Variants in NRG1 observed in about 807,000 individuals in gnomAD.
The protein encoded by NRG1 is pro-neuregulin-1, membrane-bound isoform.
Under a neutral mutation model 63.8 loss-of-function variants are expected in NRG1, and 18 were observed. The observed-to-expected ratio is 0.28, with a 90% CI of 0.19 to 0.42. NRG1 has a LOEUF of 0.42. Among genes scored for constraint, NRG1 ranks in the 10% least tolerant of loss-of-function variants. The pLI, the probability that NRG1 is intolerant of heterozygous loss-of-function variation, is 1.00. For missense variants in NRG1, 762 were observed against 814.7 expected, an observed-to-expected ratio of 0.94 and a Z score of 0.79; for synonymous variants, 302 against 301.3, an observed-to-expected ratio of 1.00 and a Z score of -0.02.
intron 1 of NRG1, among the ~76,000 whole-genome samples, chr8:31,997,008 C>T (rs1812095124): frequency 6.6e-6 from 1 of 151,742 alleles, no homozygotes; most frequent in African/African-American, 2.4e-5. Flanking sequence ...ATTTGAAACA[C>T]AATAGTTATT....
At chr8:32,369,013 A>ACTGTGCTTTCT (rs1201650438) in intron 1 of NRG1, among the ~76,000 whole-genome samples, 2 of 152,190 alleles carry the variant, frequency 1.3e-5, no homozygotes, top group Non-Finnish European at 2.9e-5. Flanking sequence ...AGTGCATGCT[A>ACTGTGCTTTCT]ACATTTTCTA....
chr8:32,260,552 A>G (rs1850250764), intron 1 of NRG1, among the ~76,000 whole-genome samples: 1 of 152,152 alleles, frequency 6.6e-6, no homozygotes, highest in South Asian at 2.1e-4. Flanking sequence ...ATAGATGAGT[A>G]TGTCTTAATT....
At chr8:32,123,228 T>C (rs1833693820) in intron 1 of NRG1, among the ~76,000 whole-genome samples, 1 of 151,984 alleles carries the variant, frequency 6.6e-6, no homozygotes, top group African/African-American at 2.4e-5. Context: ...AATCTCATCT[T>C]GAACTGTAGC....
At chr8:32,642,587 C>G (rs1852635697) in intron 5 of NRG1, among the ~76,000 whole-genome samples, 2 of 152,278 alleles carry the variant, frequency 1.3e-5, no homozygotes, top group South Asian at 4.2e-4. Context: ...GGACATGGAG[C>G]TTTCTTGTGA....
chr8:32,569,584 T>G lies in NRG1; in HGVS notation c.100+20758T>G, dbSNP rs1838122618. Among the ~76,000 whole-genome samples, 3 of 152,320 alleles carry G rather than the reference T, an allele frequency of 2.0e-5. No homozygotes were observed. The South Asian group carries it at 6.2e-4, about 32-fold the overall frequency. On this transcript the variant is annotated intron_variant, in intron 1 of 11. Coordinates refer to ENST00000356819, the Ensembl canonical transcript of NRG1. ...TGAAAAAAATTATATGAAAACTGTC[T>G]TTATTGCCAGGGAAGCACTTGTACT...
At chr8:31,858,210 A>T (rs750337669) in intron 1 of NRG1, among the ~76,000 whole-genome samples, 3 of 151,942 alleles carry the variant, frequency 2.0e-5, no homozygotes, top group Non-Finnish European at 4.4e-5. Flanking sequence ...GAGGCAGGAG[A>T]ATGGCGTGAA....
intron 1 of NRG1, among the ~76,000 whole-genome samples, chr8:32,311,798 G>A (rs911059750): frequency 6.6e-6 from 1 of 152,124 alleles, no homozygotes; most frequent in Admixed American, 6.6e-5. Context: ...TTCCACACAG[G>A]AAAATTGCCT....
rs1308003839 is a variant in NRG1, at chr8:31,640,154, C to T, written c.37+723C>T. 1 of 1,176,300 alleles carries T rather than the reference C, an allele frequency of 8.5e-7. No homozygotes were observed. Among genetic ancestry groups the T allele is most frequent in the Admixed American group, 4.5e-5 (1 of 21,988 alleles). 72.9% of individuals were successfully genotyped at this position (1,176,300 alleles called of 1,614,324 possible). ...GCGGCCGGCAACGAGGCGGCTCCCGCGGGGGCCTCGGTGTGCTACTCGTCC... is the reference window on the plus strand; with the variant it reads ...GCGGCCGGCAACGAGGCGGCTCCCGTGGGGGCCTCGGTGTGCTACTCGTCC... On this transcript the variant is annotated intron_variant, in intron 1 of 10. Coordinates refer to the NRG1 transcript ENST00000519301. This position sits in a 1 kb window ranked among gnomAD's most constrained non-coding sequence, Gnocchi z 6.3.
At position 32,565,567 on chromosome 8, in the gene NRG1, A is replaced by G. The variant is rs555532569; in HGVS notation, c.100+16741A>G. 2.6e-5 allele frequency among the ~76,000 whole-genome samples: 4 copies of G among 152,108 alleles called. No individual in the cohort carries two copies. In the East Asian group the frequency reaches 7.7e-4, roughly 29 times the overall value. On this transcript the variant is annotated intron_variant, in intron 1 of 11. Coordinates refer to ENST00000356819, the Ensembl canonical transcript of NRG1. Reference sequence around the variant, plus strand: ...CCCTTCACTCATTGACTCTTCAGCTATGTGCGGTCTGCTGCCAAAACCATC... The same window carrying G: ...CCCTTCACTCATTGACTCTTCAGCTGTGTGCGGTCTGCTGCCAAAACCATC...
At chr8:32,205,317 T>C (rs548033584) in intron 1 of NRG1, among the ~76,000 whole-genome samples, 54 of 152,294 alleles carry the variant, frequency 3.5e-4, no homozygotes, top group African/African-American at 1.3e-3. Context: ...AATTAGAACG[T>C]AGGCACTCAA....
At chr8:32,566,843 ATTTTGTTTTGTTTTG>A (rs147553505) in intron 1 of NRG1, among the ~76,000 whole-genome samples, 2 of 150,780 alleles carry the variant, frequency 1.3e-5, no homozygotes, top group Admixed American at 1.3e-4. Flanking sequence ...AGAAAGTAGC[ATTTTGTTTTGTTTTG>A]TTTTGTTTTG....
chr8:31,950,660 G>C (rs1803329187), intron 1 of NRG1, among the ~76,000 whole-genome samples: 1 of 152,176 alleles, frequency 6.6e-6, no homozygotes, highest in Admixed American at 6.5e-5. Context: ...TTTCTTGGCT[G>C]TCTAGGCTCT....
intron 1 of NRG1, among the ~76,000 whole-genome samples, chr8:31,989,460 A>G (rs763473209): frequency 1.3e-5 from 2 of 151,832 alleles, no homozygotes; most frequent in African/African-American, 2.4e-5. Flanking sequence ...GTCTTCATAC[A>G]GCATAAGGCA....
At chr8:32,530,336 T>A (rs2129517395) in intron 1 of NRG1, among the ~76,000 whole-genome samples, 1 of 152,274 alleles carries the variant, frequency 6.6e-6, no homozygotes, top group African/African-American at 2.4e-5. Flanking sequence ...CTCGATCTCC[T>A]GACCTTGTGA....
rs560497060 is a variant in NRG1, at chr8:31,658,682, C to T, written c.37+19251C>T. ...TTCACTGTGTTGGCCAGGCTGGTCT[C>T]GAATTCCTAACCTCAAGTAATCTGC... On this transcript the variant is annotated intron_variant, in intron 1 of 10. Coordinates refer to the NRG1 transcript ENST00000519301. Among the ~76,000 whole-genome samples the T allele has an allele frequency of 4.4e-4, 67 of 152,206 alleles. 2 individuals are homozygous for T. The highest frequency in any genetic ancestry group is 1.4e-3 in the African/African-American group (57 of 41,526).
chr8:32,167,197 G>A (rs1347691652), intron 1 of NRG1, among the ~76,000 whole-genome samples: 2 of 152,116 alleles, frequency 1.3e-5, no homozygotes, highest in Non-Finnish European at 2.9e-5. Flanking sequence ...ATCCAGCTAG[G>A]CAAAGCCAGA....
chr8:31,767,033 A>T, intron 1 of NRG1, among the ~76,000 whole-genome samples: 1 of 152,186 alleles, frequency 6.6e-6, no homozygotes, highest in Non-Finnish European at 1.5e-5. Flanking sequence ...TCAAATACTT[A>T]CTGGATTTGT....
At chr8:31,672,194 T>G (rs1028784532) in intron 1 of NRG1, among the ~76,000 whole-genome samples, 1 of 152,132 alleles carries the variant, frequency 6.6e-6, no homozygotes, top group East Asian at 1.9e-4. Context: ...GAATGTTTCC[T>G]ACCTCAGCAA....
chr8:32,666,084 T>C (rs1175352641), intron 5 of NRG1, among the ~76,000 whole-genome samples: 1 of 152,226 alleles, frequency 6.6e-6, no homozygotes, highest in African/African-American at 2.4e-5. Flanking sequence ...AGCAATTCTT[T>C]TGCATTTGCA....
Sources: gnomAD v4.1 joint callset for allele counts (sites outside exome capture counted in the v4.1 genomes callset) on GRCh38, gnomAD v4.1.1 for gene constraint, Gnocchi (gnomAD v3.1) non-coding constraint, MANE v1.5 for transcripts, NCBI Gene and HGNC (gene_info 2026-07-23, HGNC 2026-07-21) for gene names.